Variants in ZAN observed in about 807,000 individuals in gnomAD.
ZAN encodes zonadhesin.
Under a neutral mutation model 286.2 loss-of-function variants are expected in ZAN, and 260 were observed. The ratio of observed to expected loss-of-function variants is 0.91; its 90% CI spans 0.82 to 1.01. The LOEUF (loss-of-function observed/expected upper bound fraction) is 1.01, where lower values mean the gene tolerates loss of function less well. Among genes scored for constraint, ZAN ranks in the 50% least tolerant of loss-of-function variants. The pLI is 0.00. For missense variants in ZAN, 3,410 were observed against 3,639.2 expected (o/e 0.94, Z 1.62); for synonymous variants, 1,368 against 1,417.5 (o/e 0.97, Z 0.79).
rs1456413626 is a variant in ZAN, at chr7:100,760,523, G to A, written c.3829G>A (p.Val1277Ile). ...VRWDGDQQLYVTVSSTYSGKL... is the reference protein window; with the variant it reads ...VRWDGDQQLYITVSSTYSGKL... The stretch of plus-strand genomic sequence containing the variant: ...ATGGGATGGTGACCAGCAGCTGTAT[G>A]TTACTGTGTCCAGGTAAGGCAGTGT... The change falls in exon 19 of 48, where the codon GTT (valine) becomes ATT (isoleucine). Residue 1277 changes from valine (V) to isoleucine (I), a missense_variant. Coordinates refer to ENST00000613979, the MANE Select transcript of ZAN (RefSeq NM_003386.3). The A allele has an allele frequency of 1.9e-6, 3 of 1,613,976 alleles. No homozygotes were observed. The highest frequency in any genetic ancestry group is 2.5e-6 in the Non-Finnish European group (3 of 1,179,882).
intron 42 of ZAN, 156 bp downstream of exon 42, chr7:100,792,635 TTCTG>T (rs2116337388): frequency 4.9e-6 from 7 of 1,442,972 alleles, no homozygotes; most frequent in African/African-American, 2.9e-5. Flanking sequence ...ATCTCGGGCT[TTCTG>T]TCTTAGTCCC....
In ZAN at chr7:100,752,451, C is replaced by A. The variant is rs370655016; in HGVS notation, c.2346C>A (p.Ile782=). The A allele has an allele frequency of 1.3e-6, 2 of 1,593,850 alleles. No individual in the cohort carries two copies. The highest frequency in any genetic ancestry group is 1.7e-6 in the Non-Finnish European group (2 of 1,169,560). ...CCATCCCCACAGAAAAACCCACCAT[C>A]CCCACAGAAAAACCCACCATTCCCA... ...KLTIPTEKPT[I]PTEKPTIPTE... is the part of the protein sequence containing the mutation. The change falls in exon 14 of 48, where the codon ATC becomes ATA. Residue 782 remains isoleucine (I), a synonymous_variant. Transcript: ENST00000613979.
chr7:100,748,510 A>C, intron 11 of ZAN, 40 bp downstream of exon 11: 1 of 1,578,414 alleles, frequency 6.3e-7, no homozygotes, highest in Non-Finnish European at 8.6e-7. Context: ...GAAATCACTC[A>C]GTCTGCTCCC....
At position 100,758,519 on chromosome 7, in the gene ZAN, T is replaced by C. The variant is rs904464063; in HGVS notation, c.3452-12T>C. ...CAGAAGCAGCTTCGCCTGTTCTCCTTCCCCCTCCCAGCAGGCACTGCCACC... is the reference window on the plus strand; with the variant it reads ...CAGAAGCAGCTTCGCCTGTTCTCCTCCCCCCTCCCAGCAGGCACTGCCACC... On this transcript the variant is annotated splice_polypyrimidine_tract_variant and intron_variant, in intron 16 of 47. Transcript: ENST00000613979. The C allele has an allele frequency of 4.5e-6, 7 of 1,555,112 alleles. No homozygotes were observed. Among genetic ancestry groups the C allele is most frequent in the Admixed American group, 2.0e-5 (1 of 51,258 alleles).
chr7:100,787,577 T>C (rs1811641190), intron 37 of ZAN, among the ~76,000 whole-genome samples: 1 of 151,928 alleles, frequency 6.6e-6, no homozygotes, highest in Non-Finnish European at 1.5e-5. Flanking sequence ...TTTGTTTTTT[T>C]GAGATGGTGT....
At chr7:100,797,665 TTGAG>T in intron 47 of ZAN, 38 bp from the exon 48 acceptor site, 4 of 1,613,786 alleles carry the variant, frequency 2.5e-6, no homozygotes, top group Non-Finnish European at 3.4e-6. Context: ...GGGCCTAGAG[TTGAG>T]TCTCCTCTCA....
intron 28 of ZAN, among the ~76,000 whole-genome samples, chr7:100,770,996 A>AGGGG (rs1810334895): frequency 6.6e-6 from 1 of 152,052 alleles, no homozygotes; most frequent in Non-Finnish European, 1.5e-5. Flanking sequence ...TAGAGACAAC[A>AGGGG]TTTCACCATG....
intron 45 of ZAN, 94 bp from the exon 46 acceptor site, chr7:100,797,271 CT>C (rs1812421354): frequency 3.4e-6 from 4 of 1,163,636 alleles, no homozygotes; most frequent in East Asian, 2.5e-5. Context: ...ATGAGGTCCC[CT>C]GGGGTAGCAA....
intron 22 of ZAN, among the ~76,000 whole-genome samples, chr7:100,764,559 G>T (rs532570090): frequency 1.3e-5 from 2 of 148,556 alleles, no homozygotes; most frequent in Non-Finnish European, 3.0e-5. Flanking sequence ...GTGTGGCAAC[G>T]GGTACCTGTA....
Position 100,751,839 on chromosome 7 carries a change from T to C in ZAN, c.1734T>C (p.Ser578=), listed in dbSNP as rs1267635867. ...CTACAGTTTCCATAGAAAAACCCAGTGTCACCACAGAAAAGCCCACAGTCC... is the reference window on the plus strand; with the variant it reads ...CTACAGTTTCCATAGAAAAACCCAGCGTCACCACAGAAAAGCCCACAGTCC... ...KKPTVSIEKP[S]VTTEKPTVPK... The change falls in exon 14 of 48, where the codon AGT becomes AGC. Residue 578 remains serine (S), a synonymous_variant. Coordinates refer to ENST00000613979, the MANE Select transcript of ZAN (RefSeq NM_003386.3). The C allele has an allele frequency of 6.2e-7, 1 of 1,611,390 alleles. No homozygotes were observed. Among genetic ancestry groups the C allele is most frequent in the Admixed American group, 1.7e-5 (1 of 59,766 alleles).
chr7:100,762,278 C>T lies in ZAN; in HGVS notation c.3906C>T (p.His1302=). The change falls in exon 20 of 48, where the codon CAC becomes CAT. Residue 1302 remains histidine, a synonymous_variant. Transcript: ENST00000613979. ...ATGACGGCAACAGTGACAATGACCA[C>T]CTGAAGTTGGACGGCAGCCCAGCAG... ...GNYDGNSDND[H]LKLDGSPAGD... The T allele has an allele frequency of 1.9e-6, 3 of 1,613,724 alleles. No homozygotes were observed. The highest frequency in any genetic ancestry group is 2.5e-6 in the Non-Finnish European group (3 of 1,179,810).
At chr7:100,762,971 G>A (rs1454871499) in intron 20 of ZAN, among the ~76,000 whole-genome samples, 2 of 143,590 alleles carry the variant, frequency 1.4e-5, no homozygotes, top group Non-Finnish European at 3.0e-5. Context: ...CCTCCCCAAC[G>A]GTTTTTTTTT....
In ZAN at chr7:100,775,783, G is replaced by A; in HGVS notation, c.6142G>A (p.Asp2048Asn). The A allele has an allele frequency of 6.2e-7, 1 of 1,613,912 alleles. No individual in the cohort carries two copies. Residue 2048 changes from aspartate to asparagine, a missense_variant, in exon 33 of 48, where the codon GAC becomes AAC. Physicochemically the swap from Asp to Asn is conservative, Grantham distance 23 (BLOSUM62 1). This residue lies in a region of ZAN where 1,289 missense variants were observed against 1,314.3 expected (regional missense o/e 0.98). Coordinates refer to ENST00000613979, the MANE Select transcript of ZAN (RefSeq NM_003386.3). Reference protein sequence around the residue: ...NIKIGVQVKFDGNHLLEIEIP... With the variant: ...NIKIGVQVKFNGNHLLEIEIP... ...CAAGATCGGGGTGCAAGTCAAGTTT[G>A]ACGGGAATCATCTCTTAGAGATTGA... is the stretch of plus-strand genomic sequence containing the variant.
chr7:100,761,041 G>A (rs1003868348), intron 19 of ZAN, among the ~76,000 whole-genome samples: 6 of 152,086 alleles, frequency 3.9e-5, no homozygotes, highest in East Asian at 3.9e-4. Context: ...GATTACAGGC[G>A]CACACCACCA....
chr7:100,792,190 C>T, intron 41 of ZAN, 42 bp downstream of exon 41: 32 of 1,541,556 alleles, frequency 2.1e-5, no homozygotes, highest in Non-Finnish European at 2.7e-5. Flanking sequence ...GCCCAGGTGC[C>T]TGCTCTGGTC....
At chr7:100,797,645 C>T (rs770362952) in intron 47 of ZAN, 22 bp downstream of exon 47, 16 of 1,613,828 alleles carry the variant, frequency 9.9e-6, no homozygotes, top group East Asian at 6.7e-5. Context: ...CCCCACAGCC[C>T]GGAACCTCGG....
Position 100,778,326 on chromosome 7 carries a change from G to A in ZAN, c.6318-1120G>A, listed in dbSNP as rs770014405. ...TGTCTTAAAAAGTTTAAAAACAGCC[G>A]GGTGCAGTGGCTCACGCCTCTAATC... On this transcript the variant is annotated intron_variant, in intron 34 of 47. Coordinates refer to ENST00000613979, the MANE Select transcript of ZAN (RefSeq NM_003386.3). 6.6e-5 allele frequency among the ~76,000 whole-genome samples: 10 copies of A among 151,488 alleles called. 1 individual carries two copies. Among genetic ancestry groups the A allele is most frequent in the South Asian group, 4.2e-4 (2 of 4,806 alleles).
intron 34 of ZAN, among the ~76,000 whole-genome samples, chr7:100,777,878 G>A (rs1052294388): frequency 6.6e-6 from 1 of 151,980 alleles, no homozygotes; most frequent in Non-Finnish European, 1.5e-5. Context: ...AGGCCAGAAT[G>A]TTGCTTTGTG....
At chr7:100,780,245 A>T (rs1811112105) in intron 35 of ZAN, among the ~76,000 whole-genome samples, 1 of 152,108 alleles carries the variant, frequency 6.6e-6, no homozygotes, top group African/African-American at 2.4e-5. Flanking sequence ...TGCAACCATC[A>T]CTACTATATA....
Sources: gnomAD v4.1 joint callset for allele counts (sites outside exome capture counted in the v4.1 genomes callset) on GRCh38, gnomAD v4.1.1 for gene constraint, gnomAD v4.1.1 regional missense constraint, MANE v1.5 for transcripts, NCBI Gene and HGNC (gene_info 2026-07-23, HGNC 2026-07-21) for gene names.